Variants in CLIP1 observed in about 807,000 individuals in gnomAD.
CLIP1 encodes the protein CAP-Gly domain-containing linker protein 1.
A neutral mutation model predicts 161.6 loss-of-function variants in CLIP1; 66 were observed. The observed-to-expected ratio is 0.41, with a 90% CI of 0.33 to 0.50. CLIP1 has a LOEUF of 0.50. Ranked by LOEUF, CLIP1 falls within the 20% of genes least tolerant of loss-of-function variation. The pLI, the probability that CLIP1 is intolerant of heterozygous loss-of-function variation, is 0.27. For missense variants in CLIP1, 1,376 were observed against 1,702.0 expected, an observed-to-expected ratio of 0.81 and a Z score of 3.37; for synonymous variants, 598 against 626.2, an observed-to-expected ratio of 0.96 and a Z score of 0.67.
chr12:122,378,156 G>A (rs946056565), intron 2 of CLIP1, among the ~76,000 whole-genome samples, 196 bp from the exon 3 acceptor site: 5 of 151,508 alleles, frequency 3.3e-5, no homozygotes, highest in Non-Finnish European at 4.4e-5. Context: ...GTGTGATCTC[G>A]GCTCACTGCA....
intron 17 of CLIP1, among the ~76,000 whole-genome samples, chr12:122,319,561 C>T (rs1200223619): frequency 6.6e-6 from 1 of 152,190 alleles, no homozygotes; most frequent in African/African-American, 2.4e-5. Context: ...CCCTTTCCTG[C>T]CATTTTTCAA....
intron 17 of CLIP1, among the ~76,000 whole-genome samples, chr12:122,321,136 C>T (rs1951484780): frequency 6.6e-6 from 1 of 152,026 alleles, no homozygotes; most frequent in African/African-American, 2.4e-5. Flanking sequence ...ATCCAATTAT[C>T]AGCCATGAAG....
At chr12:122,386,793 A>T (rs1342086824) in intron 1 of CLIP1, among the ~76,000 whole-genome samples, 1 of 146,674 alleles carries the variant, frequency 6.8e-6, no homozygotes, top group Non-Finnish European at 1.5e-5. Context: ...TAAGCCAAAG[A>T]GTTTGAGACC....
chr12:122,364,978 C>G, intron 3 of CLIP1: 1 of 417,708 alleles, frequency 2.4e-6, no homozygotes, highest in South Asian at 2.0e-5. Flanking sequence ...AGTAAACTAT[C>G]GCAAGGACAA....
chr12:122,400,798 C>T (rs1208577958), intron 1 of CLIP1: 1 of 152,076 alleles, frequency 6.6e-6, no homozygotes, highest in Admixed American at 6.6e-5. Context: ...AACAAGAATC[C>T]ATAAAATTAT....
chr12:122,306,641 A>G (rs751499507), intron 20 of CLIP1, among the ~76,000 whole-genome samples: 21 of 152,178 alleles, frequency 1.4e-4, no homozygotes, highest in Non-Finnish European at 2.5e-4. Flanking sequence ...GACCTTTAAC[A>G]TGGGCCTTTA....
Position 122,377,372 on chromosome 12 carries a change from A to G in CLIP1, c.657+17T>C. ...TCTCAGTTCAATGAAATGACCTCAGAATGTTTCTCTACTCACCAATACTCT... is the reference window on the plus strand; with the variant it reads ...TCTCAGTTCAATGAAATGACCTCAGGATGTTTCTCTACTCACCAATACTCT... On this transcript the variant is annotated intron_variant, in intron 3 of 25. Transcript: ENST00000620786. The G allele has an allele frequency of 6.3e-7, 1 of 1,596,982 alleles. No homozygotes were observed.
At chr12:122,358,402 C>A (rs1217112540) in intron 5 of CLIP1, among the ~76,000 whole-genome samples, 1 of 150,558 alleles carries the variant, frequency 6.6e-6, no homozygotes, top group Non-Finnish European at 1.5e-5. Flanking sequence ...CCTGCCAAAT[C>A]CCCCTCTGCG....
intron 1 of CLIP1, among the ~76,000 whole-genome samples, chr12:122,390,172 G>GATATACATAT (rs1955536118): frequency 1.1e-5 from 1 of 93,536 alleles, no homozygotes; most frequent in Non-Finnish European, 2.2e-5. Flanking sequence ...CACAGTCTCA[G>GATATACATAT]ATATATATAT....
At chr12:122,363,021 TTTATAAGTAAAA>T (rs1953947946) in intron 4 of CLIP1, among the ~76,000 whole-genome samples, 1 of 152,196 alleles carries the variant, frequency 6.6e-6, no homozygotes, top group Non-Finnish European at 1.5e-5. Context: ...ATTTGTCTGT[TTTATAAGTAAAA>T]TGTTAACTAC....
rs1253779828 is a variant in CLIP1 at position 122,305,857 on chromosome 12, C to T, written c.3594+3905G>A. Among the ~76,000 whole-genome samples the T allele has an allele frequency of 8.6e-5, 13 of 151,888 alleles. No individual in the cohort carries two copies. In the East Asian group the frequency reaches 2.3e-3, roughly 27 times the overall value. On this transcript the variant is annotated intron_variant, in intron 20 of 25. Coordinates refer to ENST00000620786, the MANE Select transcript of CLIP1 (RefSeq NM_001247997.2). The stretch of plus-strand genomic sequence containing the variant: ...CTGAGGTGGACGGATTGCCTAAGCT[C>T]AGGAGTTCGAGATTACCCTGGGCAA...
chr12:122,365,090 TG>T lies in CLIP1; in HGVS notation c.658-984del, dbSNP rs530529541. Among the ~76,000 whole-genome samples, 834 of 150,436 alleles carry T rather than the reference TG, an allele frequency of 5.5e-3. 5 individuals are homozygous for T. The highest frequency in any genetic ancestry group is 0.017 in the Admixed American group (259 of 15,102). ...TCACACTCTGGGGACTGTTGTGGGG[TG>T]GGGGGAGAGGAGAGGGATAGCATTA... On this transcript the variant is annotated intron_variant, in intron 3 of 25. Coordinates refer to ENST00000620786, the MANE Select transcript of CLIP1 (RefSeq NM_001247997.2).
intron 11 of CLIP1, among the ~76,000 whole-genome samples, chr12:122,340,234 C>T (rs987572981): frequency 6.6e-6 from 1 of 152,128 alleles, no homozygotes; most frequent in South Asian, 2.1e-4. Context: ...GTGTCCGCCA[C>T]CATGCCAGGC....
chr12:122,324,147 A>C (rs991932519), intron 17 of CLIP1: 5 of 152,558 alleles, frequency 3.3e-5, no homozygotes, highest in African/African-American at 1.2e-4. Flanking sequence ...TCTTCTAAGA[A>C]TTTCTCCTTT....
intron 1 of CLIP1, among the ~76,000 whole-genome samples, chr12:122,407,149 C>T (rs187640858): frequency 6.6e-6 from 1 of 152,184 alleles, no homozygotes; most frequent in Non-Finnish European, 1.5e-5. Context: ...ATTATACTAA[C>T]GTGTAAAAAG....
Position 122,383,120 on chromosome 12 carries a change from G to C in CLIP1, c.-106-2562C>G, listed in dbSNP as rs572053189. The stretch of plus-strand genomic sequence containing the variant: ...GAAGGATGCAAACAGGCTAAGTGTA[G>C]AAATTCCCTAGGGCCTTCCCTACTC... On this transcript the variant is annotated intron_variant, in intron 1 of 25. Coordinates refer to ENST00000620786, the MANE Select transcript of CLIP1 (RefSeq NM_001247997.2). Among the ~76,000 whole-genome samples, 94 of 152,286 alleles carry C rather than the reference G, an allele frequency of 6.2e-4. 1 individual carries two copies. The highest frequency in any genetic ancestry group is 2.2e-3 in the African/African-American group (91 of 41,544).
At chr12:122,343,133 C>T (rs938755098) in intron 10 of CLIP1, 1 of 136,412 alleles carries the variant, frequency 7.3e-6, no homozygotes, top group African/African-American at 2.6e-5. Context: ...AATTAATTTA[C>T]TAAACTTTTT....
intron 1 of CLIP1, among the ~76,000 whole-genome samples, chr12:122,390,172 GATATAT>G (rs71082979): frequency 0.072 from 6,741 of 93,464 alleles, 706 homozygotes; most frequent in African/African-American, 0.22. Flanking sequence ...CACAGTCTCA[GATATAT>G]ATATATATAT....
At chr12:122,401,349 C>A (rs1255912806) in intron 1 of CLIP1, among the ~76,000 whole-genome samples, 4 of 152,114 alleles carry the variant, frequency 2.6e-5, no homozygotes, top group Non-Finnish European at 5.9e-5. Flanking sequence ...CTTGGTGAGA[C>A]CTCATCTCTA....
Sources: allele counts gnomAD v4.1 joint callset (sites outside exome capture counted in the v4.1 genomes callset), GRCh38; gene constraint gnomAD v4.1.1; transcripts MANE v1.5; gene names NCBI Gene and HGNC (gene_info 2026-07-23, HGNC 2026-07-21).